NYAP2: variants seen among roughly 807,000 people sequenced by gnomAD.
NYAP2 encodes neuronal tyrosine-phosphorylated phosphoinositide-3-kinase adaptor 2.
Under a neutral mutation model 50.4 loss-of-function variants are expected in NYAP2, and 23 were observed. That is an observed-to-expected ratio of 0.46 (90% CI 0.33 to 0.65). NYAP2 has a LOEUF of 0.65. Among genes scored for constraint, NYAP2 ranks in the 30% least tolerant of loss-of-function variants. NYAP2 has a pLI of 0.02. For missense variants in NYAP2, 885 were observed against 861.0 expected (o/e 1.03, Z -0.35); for synonymous variants, 394 against 365.2 (o/e 1.08, Z -0.90).
At chr2:225,601,433 C>G (rs1692689161) in intron 5 of NYAP2, among the ~76,000 whole-genome samples, 3 of 152,146 alleles carry the variant, frequency 2.0e-5, no homozygotes, top group Admixed American at 2.0e-4. Context: ...ACCACCAAAC[C>G]CAGCCTCTGT....
intron 4 of NYAP2, among the ~76,000 whole-genome samples, chr2:225,547,730 C>T (rs1691608631): frequency 6.6e-6 from 1 of 152,206 alleles, no homozygotes. Flanking sequence ...CTTTCCCACC[C>T]TCTTCAGTGC....
chr2:225,595,100 C>G (rs1372413013), intron 5 of NYAP2, among the ~76,000 whole-genome samples: 2 of 152,254 alleles, frequency 1.3e-5, no homozygotes, highest in East Asian at 1.9e-4. Flanking sequence ...TATACATATT[C>G]TACTACTCAA....
chr2:225,661,890 AT>A, the NYAP2 span, among the ~76,000 whole-genome samples: 1 of 151,888 alleles, frequency 6.6e-6, no homozygotes, highest in Non-Finnish European at 1.5e-5. Flanking sequence ...CACCTGGCTA[AT>A]TTTTGTATTT....
intron 3 of NYAP2, among the ~76,000 whole-genome samples, chr2:225,485,932 A>G (rs1432475700): frequency 6.6e-6 from 1 of 152,178 alleles, no homozygotes; most frequent in Non-Finnish European, 1.5e-5. Flanking sequence ...ATTAGATGCT[A>G]GTAGCCACAC....
At chr2:225,665,419 G>A in the NYAP2 span, among the ~76,000 whole-genome samples, 1 of 152,036 alleles carries the variant, frequency 6.6e-6, no homozygotes, top group Non-Finnish European at 1.5e-5. Flanking sequence ...TTATTGAACC[G>A]AAAGAAGGTC....
chr2:225,703,610 A>C, the NYAP2 span: 1 of 151,938 alleles, frequency 6.6e-6, no homozygotes, highest in East Asian at 1.9e-4. Context: ...GTGATTATTT[A>C]TTTGTGCTCC....
chr2:225,622,478 A>G (rs934845846), intron 5 of NYAP2, among the ~76,000 whole-genome samples: 1 of 151,302 alleles, frequency 6.6e-6, no homozygotes, highest in African/African-American at 2.4e-5. Flanking sequence ...GTATTGCCTT[A>G]AGGACATTAA....
chr2:225,433,501 A>C (rs1689306003), intron 3 of NYAP2, among the ~76,000 whole-genome samples: 1 of 151,954 alleles, frequency 6.6e-6, no homozygotes, highest in Non-Finnish European at 1.5e-5. Flanking sequence ...CAAATTTTTA[A>C]AGGGCAAATT....
intron 2 of NYAP2, among the ~76,000 whole-genome samples, chr2:225,407,993 T>A (rs1378550576): frequency 6.6e-6 from 1 of 151,750 alleles, no homozygotes; most frequent in Non-Finnish European, 1.5e-5. Context: ...TTTACAGTCT[T>A]CATCTCTCAT....
chr2:225,497,505 C>T (rs958722626), intron 3 of NYAP2, among the ~76,000 whole-genome samples: 1 of 152,176 alleles, frequency 6.6e-6, no homozygotes, highest in African/African-American at 2.4e-5. Context: ...TCAGCTTTAT[C>T]AGTTTGCCAA....
intron 5 of NYAP2, among the ~76,000 whole-genome samples, chr2:225,607,651 A>T (rs192970668): frequency 6.6e-6 from 1 of 152,062 alleles, no homozygotes; most frequent in Non-Finnish European, 1.5e-5. Context: ...CTGTTTGGTC[A>T]AGACTGTAGA....
chr2:225,623,670 C>T (rs1481018732), intron 5 of NYAP2, among the ~76,000 whole-genome samples: 1 of 152,114 alleles, frequency 6.6e-6, no homozygotes, highest in Non-Finnish European at 1.5e-5. Flanking sequence ...TGAACACACA[C>T]CAAGTTCGAC....
At chr2:225,661,464 C>T in the NYAP2 span, among the ~76,000 whole-genome samples, 2 of 152,134 alleles carry the variant, frequency 1.3e-5, no homozygotes, top group Non-Finnish European at 2.9e-5. Flanking sequence ...TTGTTGAGAG[C>T]TTCTTATGTG....
At chr2:225,511,551 C>A (rs1364763015) in intron 3 of NYAP2, among the ~76,000 whole-genome samples, 3 of 152,006 alleles carry the variant, frequency 2.0e-5, no homozygotes, top group Non-Finnish European at 4.4e-5. Flanking sequence ...AGATGGTACT[C>A]CGTGCTTAGT....
chr2:225,668,471 G>A, the NYAP2 span, among the ~76,000 whole-genome samples: 2 of 152,190 alleles, frequency 1.3e-5, no homozygotes, highest in Non-Finnish European at 2.9e-5. Context: ...GATCAGATCA[G>A]TGGATTGAGT....
chr2:225,466,887 G>A (rs978052326), intron 3 of NYAP2, among the ~76,000 whole-genome samples: 1 of 152,166 alleles, frequency 6.6e-6, no homozygotes, highest in South Asian at 2.1e-4. Context: ...AGAAGGAGAG[G>A]CCGAGGCAAG....
chr2:225,527,850 G>C (rs562632879), intron 4 of NYAP2, among the ~76,000 whole-genome samples: 24 of 152,192 alleles, frequency 1.6e-4, no homozygotes, highest in African/African-American at 5.5e-4. Flanking sequence ...GTCTTGTTAT[G>C]TTGCCTGGGC....
chr2:225,676,292 T>G, the NYAP2 span, among the ~76,000 whole-genome samples: 1 of 152,092 alleles, frequency 6.6e-6, no homozygotes, highest in Non-Finnish European at 1.5e-5. Context: ...GGTCAGACAT[T>G]TACATCTTTA....
At chr2:225,663,568 T>A in the NYAP2 span, among the ~76,000 whole-genome samples, 1 of 152,066 alleles carries the variant, frequency 6.6e-6, no homozygotes, top group Non-Finnish European at 1.5e-5. Context: ...TTTTTTTTTC[T>A]TTTTTCTGAG....
Sources: gnomAD v4.1 joint callset for allele counts (sites outside exome capture counted in the v4.1 genomes callset) on GRCh38, gnomAD v4.1.1 for gene constraint, MANE v1.5 for transcripts, NCBI Gene and HGNC (gene_info 2026-07-23, HGNC 2026-07-21) for gene names.